The following AHI1 variants were observed in gnomAD, a reference collection of about 807,000 sequenced individuals.
The protein encoded by AHI1 is Abelson helper integration site 1.
A neutral mutation model predicts 149.3 loss-of-function variants in AHI1; 123 were observed. That is an observed-to-expected ratio of 0.82 (90% CI 0.71 to 0.96). The LOEUF is 0.96. Ranked by LOEUF, AHI1 falls within the 40% of genes least tolerant of loss-of-function variation. The probability of loss-of-function intolerance (pLI) is 0.00; values close to 1 mark genes in which losing one functional copy is unlikely to be tolerated. For synonymous variants in AHI1, 475 were observed against 459.8 expected (o/e 1.03, Z -0.42); for missense variants, 1,439 against 1,422.7 (o/e 1.01, Z -0.18).
chr6:135,387,874 AT>A, intron 23 of AHI1: 1 of 1,533,524 alleles, frequency 6.5e-7, no homozygotes. Context: ...GAAGTAGGAA[AT>A]GTGGAGACAT....
At chr6:135,414,606 AT>A (rs1245887718) in intron 20 of AHI1, among the ~76,000 whole-genome samples, 3 of 152,138 alleles carry the variant, frequency 2.0e-5, no homozygotes, top group Non-Finnish European at 4.4e-5. Context: ...AAATAGGACA[AT>A]TTAAAAAATG....
chr6:135,288,580 T>A (rs999390725), intron 28 of AHI1, among the ~76,000 whole-genome samples: 2 of 150,976 alleles, frequency 1.3e-5, no homozygotes, highest in Non-Finnish European at 2.9e-5. Flanking sequence ...TTATATAAAC[T>A]ATTTTATAAT....
chr6:135,315,169 C>G (rs542683117), intron 26 of AHI1, among the ~76,000 whole-genome samples: 1 of 152,272 alleles, frequency 6.6e-6, no homozygotes, highest in African/African-American at 2.4e-5. Context: ...AAGAGTACAA[C>G]CTGTCCAACA....
intron 23 of AHI1, among the ~76,000 whole-genome samples, chr6:135,374,081 C>CATATATATATATATATAT (rs1180224509): frequency 9.9e-5 from 5 of 50,310 alleles, no homozygotes; most frequent in Non-Finnish European, 1.9e-4. Context: ...TTTATATATA[C>CATATATATATATATATAT]ATATATATAT....
chr6:135,387,280 T>C (rs1200243841), intron 23 of AHI1, among the ~76,000 whole-genome samples: 1 of 152,200 alleles, frequency 6.6e-6, no homozygotes, highest in South Asian at 2.1e-4. Context: ...ATTATGTTCT[T>C]AGAGATGGTC....
intron 24 of AHI1, among the ~76,000 whole-genome samples, chr6:135,324,705 G>C (rs769309758): frequency 6.6e-6 from 1 of 152,202 alleles, no homozygotes; most frequent in Non-Finnish European, 1.5e-5. Flanking sequence ...GGCTCATGGA[G>C]TAAGCAGGGC....
intron 14 of AHI1, among the ~76,000 whole-genome samples, chr6:135,440,537 T>C (rs1211166847): frequency 6.6e-6 from 1 of 152,098 alleles, no homozygotes; most frequent in Non-Finnish European, 1.5e-5. Flanking sequence ...AGGCTTTACT[T>C]CTCACTCGGG....
intron 26 of AHI1, among the ~76,000 whole-genome samples, chr6:135,306,325 T>C (rs1405657669): frequency 2.6e-5 from 4 of 152,206 alleles, no homozygotes. Context: ...GTTCCTTCTC[T>C]GATACCTGAA....
At chr6:135,472,268 C>A (rs1791873674) in intron 5 of AHI1, among the ~76,000 whole-genome samples, 1 of 152,092 alleles carries the variant, frequency 6.6e-6, no homozygotes, top group Admixed American at 6.6e-5. Flanking sequence ...TAGACTTTCA[C>A]ATAAATGAAA....
intron 22 of AHI1, among the ~76,000 whole-genome samples, chr6:135,400,854 C>T (rs1480668149): frequency 3.3e-5 from 5 of 152,108 alleles, no homozygotes; most frequent in African/African-American, 9.7e-5. Context: ...GTAATGTGAC[C>T]ATACCTTTCT....
chr6:135,328,594 T>G (rs1788067242), intron 24 of AHI1, among the ~76,000 whole-genome samples: 1 of 152,056 alleles, frequency 6.6e-6, no homozygotes, highest in African/African-American at 2.4e-5. Context: ...ACCAGGTCTC[T>G]CTCCCCTTCT....
intron 20 of AHI1, among the ~76,000 whole-genome samples, chr6:135,418,554 C>A (rs1324303350): frequency 6.6e-6 from 1 of 151,898 alleles, no homozygotes; most frequent in Admixed American, 6.6e-5. Context: ...GGAGGAAGGA[C>A]GGAGGAAATA....
intron 24 of AHI1, among the ~76,000 whole-genome samples, chr6:135,349,392 C>T (rs924076848): frequency 7.9e-5 from 12 of 152,194 alleles, no homozygotes; most frequent in African/African-American, 2.9e-4. Context: ...CTCCCTCTTT[C>T]ACGCTATATA....
chr6:135,452,880 C>T (rs1788349298), intron 11 of AHI1, among the ~76,000 whole-genome samples: 1 of 152,070 alleles, frequency 6.6e-6, no homozygotes, highest in South Asian at 2.1e-4. Context: ...GAATGTTTTC[C>T]CTGACCCCAC....
intron 15 of AHI1, among the ~76,000 whole-genome samples, chr6:135,434,020 A>T (rs1785028465): frequency 6.6e-6 from 1 of 152,064 alleles, no homozygotes; most frequent in Non-Finnish European, 1.5e-5. Context: ...AACTAGGTGA[A>T]ATCTACCAAT....
rs989584447 is a variant in AHI1 at position 135,300,999 on chromosome 6, G to C, written c.3427-441C>G. The C allele has an allele frequency of 6.1e-6, 6 of 984,186 alleles. No individual in the cohort carries two copies. The South Asian group carries it at 2.4e-4, about 39-fold the overall frequency. The allele number at this position is 984,186 out of a possible 1,614,324, so 61.0% of individuals were successfully genotyped here. On this transcript the variant is annotated intron_variant, in intron 26 of 28. Coordinates refer to ENST00000265602, the MANE Select transcript of AHI1 (RefSeq NM_001134831.2). Reference sequence around the variant, plus strand: ...TGTATGCAAGAGTTTGAATTTGAAAGCTCTTTAAATCTACAAAATGTGTTC... The same window carrying C: ...TGTATGCAAGAGTTTGAATTTGAAACCTCTTTAAATCTACAAAATGTGTTC...
In AHI1 at chr6:135,361,526, T is replaced by C. The variant is rs561937525; in HGVS notation, c.3110-3339A>G. Among the ~76,000 whole-genome samples the C allele has an allele frequency of 2.6e-5, 4 of 152,222 alleles. No individual in the cohort carries two copies. The South Asian group carries it at 8.3e-4, about 32-fold the overall frequency. On this transcript the variant is annotated intron_variant, in intron 23 of 28. Coordinates refer to ENST00000265602, the MANE Select transcript of AHI1 (RefSeq NM_001134831.2). ...TTTAGAAAATGATTTCATTCCATTA[T>C]TTCTTATGAGAAGGAAGTCATCATT...
intron 24 of AHI1, among the ~76,000 whole-genome samples, chr6:135,334,575 C>T (rs898920358): frequency 6.6e-6 from 1 of 152,188 alleles, no homozygotes; most frequent in Non-Finnish European, 1.5e-5. Context: ...AATCACAATT[C>T]ACATACTTTA....
At chr6:135,458,281 G>T (rs1789296199) in intron 8 of AHI1, among the ~76,000 whole-genome samples, 2 of 152,204 alleles carry the variant, frequency 1.3e-5, no homozygotes, top group Non-Finnish European at 2.9e-5. Context: ...GTGAGCTGAA[G>T]ATGAGAGTTT....
Sources: gnomAD v4.1 joint callset for allele counts (sites outside exome capture counted in the v4.1 genomes callset) on GRCh38, gnomAD v4.1.1 for gene constraint, MANE v1.5 for transcripts, NCBI Gene and HGNC (gene_info 2026-07-23, HGNC 2026-07-21) for gene names.